Variants in DCC observed in about 807,000 individuals in gnomAD.
DCC encodes the protein DCC netrin 1 receptor, also known as netrin receptor DCC.
A neutral mutation model predicts 172.5 loss-of-function variants in DCC; 58 were observed. The ratio of observed to expected loss-of-function variants is 0.34; its 90% CI spans 0.27 to 0.42. The LOEUF (loss-of-function observed/expected upper bound fraction) is 0.42. Ranked by LOEUF, DCC falls within the 10% of genes least tolerant of loss-of-function variation. The pLI, the probability that DCC is intolerant of heterozygous loss-of-function variation, is 1.00. For synonymous variants in DCC, 709 were observed against 644.5 expected, an observed-to-expected ratio of 1.10 and a Z score of -1.52; for missense variants, 1,740 against 1,791.0, an observed-to-expected ratio of 0.97 and a Z score of 0.51.
intron 19 of DCC, among the ~76,000 whole-genome samples, chr18:53,408,608 C>T (rs1599117248): frequency 6.6e-6 from 1 of 152,022 alleles, no homozygotes; most frequent in African/African-American, 2.4e-5. Context: ...ATCTACATAC[C>T]GACAGAAAGG....
At chr18:52,554,330 G>A (rs2032853344) in intron 1 of DCC, among the ~76,000 whole-genome samples, 1 of 152,074 alleles carries the variant, frequency 6.6e-6, no homozygotes, top group Admixed American at 6.6e-5. Flanking sequence ...CCATCAACCT[G>A]GATGAATGCT....
intron 1 of DCC, among the ~76,000 whole-genome samples, chr18:52,706,710 G>A (rs1755536812): frequency 6.6e-6 from 1 of 152,148 alleles, no homozygotes; most frequent in African/African-American, 2.4e-5. Context: ...GACCAAGCAT[G>A]GTACCAGGTG....
chr18:53,444,060 G>T (rs1469527028), intron 22 of DCC, among the ~76,000 whole-genome samples: 2 of 152,182 alleles, frequency 1.3e-5, no homozygotes, highest in African/African-American at 4.8e-5. Flanking sequence ...AAGTGACAAT[G>T]AAAGATTGGT....
At chr18:52,948,972 C>A (rs1328995014) in intron 5 of DCC, among the ~76,000 whole-genome samples, 3 of 152,310 alleles carry the variant, frequency 2.0e-5, no homozygotes, top group South Asian at 4.1e-4. Context: ...AACCCTTATG[C>A]AAAGCTGTCT....
At chr18:52,968,424 G>A (rs531931491) in intron 5 of DCC, among the ~76,000 whole-genome samples, 1 of 152,278 alleles carries the variant, frequency 6.6e-6, no homozygotes, top group Admixed American at 6.5e-5. Flanking sequence ...GGTGGTGGGT[G>A]GGTGCAGAGG....
At chr18:52,544,156 G>A (rs1307653719) in intron 1 of DCC, among the ~76,000 whole-genome samples, 3 of 152,090 alleles carry the variant, frequency 2.0e-5, no homozygotes, top group African/African-American at 7.2e-5. Context: ...TATCCCACCC[G>A]TGCCTAAAAT....
intron 2 of DCC, among the ~76,000 whole-genome samples, chr18:52,899,850 T>A (rs72922295): frequency 0.052 from 7,986 of 152,258 alleles, 314 homozygotes; most frequent in Middle Eastern, 0.092. Flanking sequence ...TCCTAAACTT[T>A]CCAATATTTA....
intron 27 of DCC, among the ~76,000 whole-genome samples, chr18:53,519,059 A>T (rs192460698): frequency 6.6e-6 from 1 of 152,158 alleles, no homozygotes; most frequent in African/African-American, 2.4e-5. Context: ...TTTAGATTCA[A>T]TGGATCAACT....
chr18:52,621,179 T>C (rs1217355623), intron 1 of DCC, among the ~76,000 whole-genome samples: 3 of 152,240 alleles, frequency 2.0e-5, no homozygotes, highest in Non-Finnish European at 4.4e-5. Flanking sequence ...TTGGTTAATA[T>C]GTTTAGACGC....
chr18:52,941,361 T>A (rs2040460020), intron 5 of DCC, among the ~76,000 whole-genome samples: 1 of 152,128 alleles, frequency 6.6e-6, no homozygotes, highest in African/African-American at 2.4e-5. Context: ...TTTTAGTGTT[T>A]AATAAAGGTA....
intron 27 of DCC, among the ~76,000 whole-genome samples, chr18:53,525,615 G>A (rs1364683730): frequency 1.3e-5 from 2 of 152,126 alleles, no homozygotes; most frequent in Middle Eastern, 3.4e-3. Flanking sequence ...TCTGATTGTA[G>A]AGTAACCTCT....
intron 16 of DCC, among the ~76,000 whole-genome samples, chr18:53,390,887 C>T (rs942673727): frequency 6.6e-6 from 1 of 152,172 alleles, no homozygotes; most frequent in Non-Finnish European, 1.5e-5. Context: ...CCTACCAAGA[C>T]TAAAAACTTA....
chr18:53,361,266 G>T (rs1248837539), intron 15 of DCC, among the ~76,000 whole-genome samples: 1 of 152,108 alleles, frequency 6.6e-6, no homozygotes, highest in South Asian at 2.1e-4. Flanking sequence ...GAACTGTGAA[G>T]AAACGATTTT....
At chr18:53,277,147 A>G (rs944268325) in intron 12 of DCC, among the ~76,000 whole-genome samples, 3 of 152,148 alleles carry the variant, frequency 2.0e-5, no homozygotes, top group Non-Finnish European at 4.4e-5. Flanking sequence ...AATTTCTCTA[A>G]GATTAATATT....
At chr18:52,575,011 T>C (rs1406541174) in intron 1 of DCC, among the ~76,000 whole-genome samples, 1 of 152,172 alleles carries the variant, frequency 6.6e-6, no homozygotes, top group Admixed American at 6.5e-5. Context: ...TTTTGGTCAC[T>C]GCAATGAAAA....
intron 1 of DCC, among the ~76,000 whole-genome samples, chr18:52,376,263 A>G (rs1985341871): frequency 6.6e-6 from 1 of 152,174 alleles, no homozygotes; most frequent in Non-Finnish European, 1.5e-5. Flanking sequence ...ACATACTCCA[A>G]TTAAGAGGTG....
intron 5 of DCC, among the ~76,000 whole-genome samples, chr18:52,930,680 T>C (rs1283399737): frequency 2.6e-5 from 4 of 152,184 alleles, no homozygotes. Context: ...GACATTTGCA[T>C]TTTACATTTT....
At position 52,444,300 on chromosome 18, in the gene DCC, A is replaced by G. The variant is rs116420899; in HGVS notation, c.91+103422A>G. 7.2e-3 allele frequency among the ~76,000 whole-genome samples: 1,098 copies of G among 152,336 alleles called. 9 individuals are homozygous for G. The highest frequency in any genetic ancestry group is 0.025 in the African/African-American group (1,034 of 41,574). ...AAAACATGACCTTGAAAATCCAGAA[A>G]TCTAAATATGAATGAAAAAACTACT... On this transcript the variant is annotated intron_variant, in intron 1 of 28. Coordinates refer to ENST00000442544, the MANE Select transcript of DCC (RefSeq NM_005215.4).
chr18:53,352,238 C>G (rs1343550432), intron 15 of DCC, among the ~76,000 whole-genome samples: 2 of 152,056 alleles, frequency 1.3e-5, no homozygotes, highest in Non-Finnish European at 2.9e-5. Context: ...AGATTCAGTA[C>G]AAGTGCCAGA....
Sources: allele counts gnomAD v4.1 joint callset (sites outside exome capture counted in the v4.1 genomes callset), GRCh38; gene constraint gnomAD v4.1.1; transcripts MANE v1.5; gene names NCBI Gene and HGNC (gene_info 2026-07-23, HGNC 2026-07-21).